The following NISCH variants were observed in gnomAD, a reference collection of about 807,000 sequenced individuals.
The protein encoded by NISCH is nischarin.
In NISCH, 55 loss-of-function variants were observed where a neutral mutation model predicts 138.4. The ratio of observed to expected loss-of-function variants is 0.40; its 90% CI spans 0.32 to 0.50. The LOEUF (loss-of-function observed/expected upper bound fraction) is 0.50. NISCH is among the 20% of genes least tolerant of loss of function. The probability of loss-of-function intolerance (pLI) is 0.71; values close to 1 mark genes in which losing one functional copy is unlikely to be tolerated. For synonymous variants in NISCH, 860 were observed against 861.5 expected (o/e 1.00, Z 0.03); for missense variants, 1,643 against 2,005.5 (o/e 0.82, Z 3.45).
chr3:52,455,762 C>T, intron 1 of NISCH, 28 bp downstream of exon 1: 2 of 1,321,654 alleles, frequency 1.5e-6, no homozygotes, highest in South Asian at 2.6e-5. Context: ...GCACCCGAAG[C>T]GGGGGTGGTG....
At chr3:52,491,054 C>T (rs1382769381) in intron 19 of NISCH, among the ~76,000 whole-genome samples, 1 of 152,246 alleles carries the variant, frequency 6.6e-6, no homozygotes, top group East Asian at 1.9e-4. Flanking sequence ...CAAGCGCTGG[C>T]CCGGACAGAA....
At chr3:52,459,580 T>C (rs1344400556) in intron 3 of NISCH, among the ~76,000 whole-genome samples, 1 of 151,962 alleles carries the variant, frequency 6.6e-6, no homozygotes, top group Non-Finnish European at 1.5e-5. Context: ...ACTACAGACT[T>C]GCACCACCAC....
In NISCH at chr3:52,465,405, C is replaced by T. The variant is rs193133690; in HGVS notation, c.361-5454C>T. Among the ~76,000 whole-genome samples, 967 of 152,308 alleles carry T rather than the reference C, an allele frequency of 6.3e-3. 14 individuals are homozygous for T. Among genetic ancestry groups the T allele is most frequent in the African/African-American group, 0.022 (917 of 41,562 alleles). On this transcript the variant is annotated intron_variant, in intron 3 of 20. Coordinates refer to ENST00000345716, the MANE Select transcript of NISCH (RefSeq NM_007184.4). ...TCGGCCTCCCAAAGCGCTCGGTTTACAGGCGTGAGCCACCACACCCAGCCT... is the reference window on the plus strand; with the variant it reads ...TCGGCCTCCCAAAGCGCTCGGTTTATAGGCGTGAGCCACCACACCCAGCCT...
At chr3:52,486,691 AC>A (rs1707410346) in intron 15 of NISCH, 1 of 156,208 alleles carries the variant, frequency 6.4e-6, no homozygotes, top group Non-Finnish European at 1.4e-5. Context: ...GTGTACTCTG[AC>A]CCTTTACAGA....
chr3:52,463,758 C>G (rs1262312119), intron 3 of NISCH, among the ~76,000 whole-genome samples: 2 of 111,888 alleles, frequency 1.8e-5, no homozygotes, highest in East Asian at 6.1e-4. Flanking sequence ...GAGTCTCGCT[C>G]TGTCGCACAG....
intron 13 of NISCH, chr3:52,481,645 T>G (rs1707277113): frequency 1.0e-6 from 1 of 985,552 alleles, no homozygotes; most frequent in South Asian, 4.7e-5. Context: ...TGTTGATCAG[T>G]GAGTGAGTGA....
At chr3:52,470,636 C>A in intron 3 of NISCH, 1 of 593,042 alleles carries the variant, frequency 1.7e-6, no homozygotes, top group Admixed American at 3.0e-5. Flanking sequence ...AGGCTGATTT[C>A]CCTTCTGCTT....
Position 52,492,266 on chromosome 3 carries a change from C to T in NISCH, c.4299C>T (p.Val1433=). 2 of 1,613,344 alleles carry T rather than the reference C, an allele frequency of 1.2e-6. No individual in the cohort carries two copies. The highest frequency in any genetic ancestry group is 8.5e-7 in the Non-Finnish European group (1 of 1,180,032). ...CCTACCCGCAGGCCCTCACCCTCGT[C>T]TTCGATGACGTGCAAGGTCATGACC... ...YQTYPQALTL[V]FDDVQGHDLM... is the part of the protein sequence containing the mutation. Residue 1433 remains valine, a synonymous_variant, in exon 21 of 21, where the codon GTC becomes GTT. Coordinates refer to ENST00000345716, the MANE Select transcript of NISCH (RefSeq NM_007184.4).
intron 3 of NISCH, among the ~76,000 whole-genome samples, chr3:52,466,748 GT>G (rs1026037567): frequency 6.6e-6 from 1 of 152,086 alleles, no homozygotes; most frequent in African/African-American, 2.4e-5. Context: ...TGCATTGAGT[GT>G]AGGTGTATGT....
intron 13 of NISCH, 108 bp downstream of exon 13, chr3:52,480,403 C>T (rs1235558630): frequency 1.9e-6 from 3 of 1,555,764 alleles, no homozygotes; most frequent in Middle Eastern, 1.7e-4. Flanking sequence ...CCAACAGGGT[C>T]AGACACAGGG....
intron 13 of NISCH, 51 bp from the exon 14 acceptor site, chr3:52,484,462 T>TTGGGCCGCCCCC: frequency 2.5e-6 from 2 of 788,670 alleles, no homozygotes; most frequent in Non-Finnish European, 3.7e-6. Context: ...ACAGCCGCTC[T>TTGGGCCGCCCCC]CCCCGCCCCA....
intron 3 of NISCH, among the ~76,000 whole-genome samples, chr3:52,464,357 A>G (rs1706720073): frequency 6.6e-6 from 1 of 152,012 alleles, no homozygotes; most frequent in Non-Finnish European, 1.5e-5. Flanking sequence ...AGACCACACC[A>G]CTGCACTCCA....
At chr3:52,485,020 TTC>T (rs1202797396) in intron 14 of NISCH, among the ~76,000 whole-genome samples, 1 of 152,144 alleles carries the variant, frequency 6.6e-6, no homozygotes, top group African/African-American at 2.4e-5. Context: ...TTTGGGTTTC[TTC>T]TCTGTTTCCT....
Position 52,492,203 on chromosome 3 carries a change from C to T in NISCH, c.4236C>T (p.Arg1412=), listed in dbSNP as rs772295242. Residue 1412 remains arginine, a synonymous_variant, in exon 21 of 21, where the codon CGC becomes CGT. Transcript: ENST00000345716. ...GGTACCGGCTGGACGATGGCCGCCG[C>T]GTCCGGGACCTGGACCGAGTGCTCA... is the stretch of plus-strand genomic sequence containing the variant. ...RDRYRLDDGR[R]VRDLDRVLMG... is the part of the protein sequence containing the mutation. The T allele has an allele frequency of 2.0e-5, 32 of 1,612,998 alleles. No homozygotes were observed. Among genetic ancestry groups the T allele is most frequent in the South Asian group, 7.7e-5 (7 of 91,088 alleles).
chr3:52,477,689 C>T, intron 9 of NISCH, 47 bp downstream of exon 9: 1 of 1,502,940 alleles, frequency 6.7e-7, no homozygotes, highest in Middle Eastern at 1.7e-4. Flanking sequence ...TCCCAAGGCC[C>T]CGCCCTGAGA....
intron 13 of NISCH, chr3:52,481,627 C>T: frequency 6.1e-6 from 6 of 985,774 alleles, no homozygotes; most frequent in East Asian, 1.1e-4. Flanking sequence ...GCCATTTCTG[C>T]CAGCATCTGT....
intron 3 of NISCH, among the ~76,000 whole-genome samples, chr3:52,469,059 G>A (rs760026623): frequency 1.4e-4 from 21 of 152,112 alleles, no homozygotes; most frequent in Admixed American, 8.5e-4. Context: ...AGATAAGAAA[G>A]AGACAAACAA....
chr3:52,486,955 T>TATGGTCCA (rs1274612884), intron 15 of NISCH, among the ~76,000 whole-genome samples: 1 of 152,250 alleles, frequency 6.6e-6, no homozygotes, highest in Non-Finnish European at 1.5e-5. Context: ...GCCAGGCACC[T>TATGGTCCA]ATGGTCCAAG....
Position 52,487,936 on chromosome 3 carries a change from A to G in NISCH, c.2444A>G (p.His815Arg), listed in dbSNP as rs1263359584. 6.2e-7 allele frequency: 1 copy of G among 1,611,870 alleles called. No individual in the cohort carries two copies. Among genetic ancestry groups the G allele is most frequent in the South Asian group, 1.1e-5 (1 of 91,062 alleles). ...CTGCGCTCATGCTTTGCACCCCAGCACATGGCCATGCTGTGTAGCCCCATC... is the reference window on the plus strand; with the variant it reads ...CTGCGCTCATGCTTTGCACCCCAGCGCATGGCCATGCTGTGTAGCCCCATC... ...ADLRSCFAPQ[H>R]MAMLCSPILY... is the part of the protein sequence containing the mutation. Residue 815 changes from histidine to arginine, a missense_variant, in exon 16 of 21, where the codon CAC becomes CGC. Transcript: ENST00000345716. This position sits in a 1 kb window ranked among gnomAD's most constrained non-coding sequence, Gnocchi z 9.1.
Sources: gnomAD v4.1 joint callset for allele counts (sites outside exome capture counted in the v4.1 genomes callset) on GRCh38, gnomAD v4.1.1 for gene constraint, Gnocchi (gnomAD v3.1) non-coding constraint, MANE v1.5 for transcripts, NCBI Gene and HGNC (gene_info 2026-07-23, HGNC 2026-07-21) for gene names.